The following UBN1 variants were observed in gnomAD, a reference collection of about 807,000 sequenced individuals.
UBN1 encodes ubinuclein-1.
UBN1 carries 17 observed loss-of-function variants against 108.5 expected under a neutral mutation model. That is an observed-to-expected ratio of 0.16 (90% CI 0.11 to 0.24). The LOEUF (loss-of-function observed/expected upper bound fraction) is 0.24, where lower values mean the gene tolerates loss of function less well. Ranked by LOEUF, UBN1 falls within the 10% of genes least tolerant of loss-of-function variation. The pLI is 1.00. For missense variants in UBN1, 1,595 were observed against 1,394.4 expected (o/e 1.14, Z -2.29); for synonymous variants, 726 against 564.2 (o/e 1.29, Z -4.07).
chr16:4,876,779 A>ATT, intron 15 of UBN1, 92 bp from the exon 16 acceptor site: 1 of 1,504,296 alleles, frequency 6.6e-7, no homozygotes, highest in Non-Finnish European at 8.9e-7. Context: ...CTTTGTGGAC[A>ATT]CACAAGGAGG....
chr16:4,848,731 A>C (rs939554757), intron 1 of UBN1, among the ~76,000 whole-genome samples: 6 of 152,234 alleles, frequency 3.9e-5, no homozygotes, highest in Non-Finnish European at 7.3e-5. Flanking sequence ...TAATTTGATA[A>C]AAATTTAACA....
Position 4,880,265 on chromosome 16 carries a change from G to C in UBN1, c.*133G>C. The C allele has an allele frequency of 2.8e-6, 3 of 1,067,578 alleles. No homozygotes were observed. In the Admixed American group the frequency reaches 5.9e-5, roughly 21 times the overall value. 66.1% of individuals were successfully genotyped at this position (1,067,578 alleles called of 1,614,324 possible). A position where few individuals can be genotyped will look rare whatever the true frequency, so the allele number is the denominator to read the frequency against. ...GAGGAGCGTGAGTTCTCAGCGGAGC[G>C]CTTCTCGGCACTTCTGATGTGCCTC... On this transcript the variant is annotated 3_prime_UTR_variant, in exon 18 of 18. Transcript: ENST00000262376.
intron 7 of UBN1, among the ~76,000 whole-genome samples, chr16:4,865,895 G>A (rs1225749737): frequency 1.3e-5 from 2 of 152,036 alleles, no homozygotes; most frequent in African/African-American, 4.8e-5. Flanking sequence ...CCGGGAGGTG[G>A]AGGTTGCAGT....
chr16:4,854,388 G>C (rs1179858996), intron 2 of UBN1, among the ~76,000 whole-genome samples: 1 of 150,964 alleles, frequency 6.6e-6, no homozygotes, highest in African/African-American at 2.4e-5. Context: ...CTGTCACCCA[G>C]GCTGGAGTGC....
At chr16:4,875,577 T>C in intron 15 of UBN1, 143 bp downstream of exon 15, 21 of 1,229,688 alleles carry the variant, frequency 1.7e-5, no homozygotes, top group Non-Finnish European at 2.2e-5. Flanking sequence ...GAAGGGAGAC[T>C]GGGCTCCCTG....
intron 7 of UBN1, 132 bp downstream of exon 7, chr16:4,861,234 C>T: frequency 1.9e-6 from 2 of 1,053,110 alleles, no homozygotes; most frequent in South Asian, 3.4e-5. Flanking sequence ...TTTTTCCAAA[C>T]CCTATTCTCA....
chr16:4,876,104 G>T (rs559404731), intron 15 of UBN1, among the ~76,000 whole-genome samples: 1 of 151,912 alleles, frequency 6.6e-6, no homozygotes, highest in Non-Finnish European at 1.5e-5. Flanking sequence ...GACTACAGGC[G>T]TCCGCCACCA....
At chr16:4,869,474 G>C (rs1317955348) in intron 8 of UBN1, among the ~76,000 whole-genome samples, 1 of 152,256 alleles carries the variant, frequency 6.6e-6, no homozygotes, top group Non-Finnish European at 1.5e-5. Flanking sequence ...AATCCTTGTG[G>C]CCTGGCCTGC....
chr16:4,867,559 G>A (rs1458440032), intron 7 of UBN1, among the ~76,000 whole-genome samples: 1 of 152,210 alleles, frequency 6.6e-6, no homozygotes, highest in Admixed American at 6.5e-5. Context: ...GAGCTTAGAT[G>A]AGAGGATTTA....
At chr16:4,876,744 A>T in intron 15 of UBN1, 127 bp from the exon 16 acceptor site, 1 of 1,445,530 alleles carries the variant, frequency 6.9e-7, no homozygotes, top group Non-Finnish European at 9.2e-7. Context: ...TCCCAGGGCC[A>T]TCTGACATGG....
chr16:4,858,966 T>C (rs2086930258), intron 4 of UBN1, 59 bp from the exon 5 acceptor site: 1 of 1,590,350 alleles, frequency 6.3e-7, no homozygotes, highest in Non-Finnish European at 8.5e-7. Flanking sequence ...GAGACCCACT[T>C]TGCACCTTCG....
chr16:4,868,715 C>A, intron 7 of UBN1, 118 bp from the exon 8 acceptor site: 1 of 877,346 alleles, frequency 1.1e-6, no homozygotes, highest in Non-Finnish European at 1.8e-6. Flanking sequence ...GGAAAGGTGG[C>A]GGTGTGACTG....
intron 12 of UBN1, 53 bp downstream of exon 12, chr16:4,871,354 G>A (rs1025239808): frequency 2.3e-5 from 37 of 1,577,350 alleles, no homozygotes; most frequent in African/African-American, 6.8e-5. Flanking sequence ...ACGTTTGAAC[G>A]CTGCTTTTGT....
intron 1 of UBN1, among the ~76,000 whole-genome samples, chr16:4,848,574 T>C (rs1424123557): frequency 6.6e-6 from 1 of 152,206 alleles, no homozygotes; most frequent in Non-Finnish European, 1.5e-5. Flanking sequence ...AGTCGGTGTT[T>C]AGCGTACTGG....
chr16:4,872,349 T>C (rs1398110311), intron 12 of UBN1: 2 of 984,982 alleles, frequency 2.0e-6, no homozygotes, highest in African/African-American at 3.5e-5. Flanking sequence ...AGCCATACAT[T>C]TTCTTGGTAA....
chr16:4,856,496 C>T (rs571229157), intron 2 of UBN1, among the ~76,000 whole-genome samples: 1 of 152,288 alleles, frequency 6.6e-6, no homozygotes, highest in East Asian at 1.9e-4. Flanking sequence ...AAACAAACAT[C>T]CTATAGATGT....
chr16:4,860,560 G>A lies in UBN1; in HGVS notation c.672-104G>A, dbSNP rs1036914833. The A allele has an allele frequency of 7.5e-6, 9 of 1,194,066 alleles. No individual in the cohort carries two copies. The African/African-American group carries it at 1.4e-4, about 18-fold the overall frequency. 74.0% of individuals were successfully genotyped at this position (1,194,066 alleles called of 1,614,324 possible). ...AGGAATGACAGGGTGGACTGTGACAGGTTCTCCTGGAGACCATGACCCTGG... is the reference window on the plus strand; with the variant it reads ...AGGAATGACAGGGTGGACTGTGACAAGTTCTCCTGGAGACCATGACCCTGG... On this transcript the variant is annotated intron_variant, in intron 6 of 17. Transcript: ENST00000262376.
At chr16:4,851,710 C>T (rs1467031955) in intron 1 of UBN1, among the ~76,000 whole-genome samples, 1 of 152,000 alleles carries the variant, frequency 6.6e-6, no homozygotes, top group Non-Finnish European at 1.5e-5. Context: ...GTCTCAGCTC[C>T]TCGAGAGGTT....
intron 7 of UBN1, among the ~76,000 whole-genome samples, chr16:4,866,318 T>C (rs904701480): frequency 1.3e-5 from 2 of 152,208 alleles, no homozygotes; most frequent in African/African-American, 4.8e-5. Context: ...AAGGGATCTG[T>C]AGAAGCTTGA....
Sources: gnomAD v4.1 joint callset for allele counts (sites outside exome capture counted in the v4.1 genomes callset) on GRCh38, gnomAD v4.1.1 for gene constraint, MANE v1.5 for transcripts, NCBI Gene and HGNC (gene_info 2026-07-23, HGNC 2026-07-21) for gene names.